SCARB1: variants seen among roughly 807,000 people sequenced by gnomAD.
The protein encoded by SCARB1 is CD36 and LIMPII analogous 1.
In SCARB1, 30 loss-of-function variants were observed where a neutral mutation model predicts 57.2. The observed-to-expected ratio is 0.52, with a 90% CI of 0.39 to 0.71. The LOEUF is 0.71. SCARB1 is among the 30% of genes least tolerant of loss of function. The pLI, the probability that SCARB1 is intolerant of heterozygous loss-of-function variation, is 0.00. For missense variants in SCARB1, 543 were observed against 671.2 expected (o/e 0.81, Z 2.11); for synonymous variants, 249 against 268.3 (o/e 0.93, Z 0.70).
intron 1 of SCARB1, among the ~76,000 whole-genome samples, chr12:124,853,367 A>G (rs1357145097): frequency 1.3e-5 from 2 of 151,426 alleles, no homozygotes; most frequent in Non-Finnish European, 2.9e-5. Context: ...AGCTTCTTGA[A>G]ATGATCCAGT....
intron 1 of SCARB1, among the ~76,000 whole-genome samples, chr12:124,834,184 G>T (rs1168732687): frequency 6.6e-6 from 1 of 152,238 alleles, no homozygotes; most frequent in Admixed American, 6.5e-5. Context: ...CCAGAGCCAG[G>T]GGTCTTGTCA....
chr12:124,835,620 C>A (rs1473066221), intron 1 of SCARB1, among the ~76,000 whole-genome samples: 2 of 151,406 alleles, frequency 1.3e-5, no homozygotes, highest in Non-Finnish European at 2.9e-5. Context: ...TTCTTATACA[C>A]CGCATCCTCC....
chr12:124,836,720 G>C (rs756546307), intron 1 of SCARB1, among the ~76,000 whole-genome samples: 14 of 152,212 alleles, frequency 9.2e-5, no homozygotes, highest in Non-Finnish European at 2.1e-4. Flanking sequence ...CTTGAGCCCA[G>C]GAGATAGAGG....
At chr12:124,829,302 T>G (rs1951290483) in intron 1 of SCARB1, among the ~76,000 whole-genome samples, 1 of 152,158 alleles carries the variant, frequency 6.6e-6, no homozygotes, top group Non-Finnish European at 1.5e-5. Context: ...TCCTGGCTTG[T>G]ATGGATGGGT....
intron 1 of SCARB1, among the ~76,000 whole-genome samples, chr12:124,856,350 GGT>G (rs555248782): frequency 6.6e-6 from 1 of 152,180 alleles, no homozygotes; most frequent in Non-Finnish European, 1.5e-5. Flanking sequence ...TGCCTACACA[GGT>G]GTGTGTGTCA....
intron 7 of SCARB1, among the ~76,000 whole-genome samples, chr12:124,801,373 G>A (rs1950123449): frequency 6.6e-6 from 1 of 152,128 alleles, no homozygotes; most frequent in Non-Finnish European, 1.5e-5. Flanking sequence ...TACAAGTGAT[G>A]GCTGCACAAC....
At position 124,779,737 on chromosome 12, in the gene SCARB1, TC is replaced by T. The variant is rs879430754; in HGVS notation, c.*1-1152del. On this transcript the variant is annotated intron_variant, in intron 12 of 12. Coordinates refer to ENST00000261693, the MANE Select transcript of SCARB1 (RefSeq NM_005505.5). ...TCCCTTGCCCTGAGCAACAGAGGCC[TC>T]CCTGCCCCGGTGGCTGGGGCTGGAA... 3.9e-3 allele frequency among the ~76,000 whole-genome samples: 598 copies of T among 152,166 alleles called. 3 individuals are homozygous for T. Among genetic ancestry groups the T allele is most frequent in the Admixed American group, 6.7e-3 (102 of 15,300 alleles).
chr12:124,801,122 C>T (rs1356974853), intron 7 of SCARB1, among the ~76,000 whole-genome samples: 3 of 152,188 alleles, frequency 2.0e-5, no homozygotes, highest in Non-Finnish European at 2.9e-5. Context: ...TCGCTTGAGC[C>T]TCAGAGGTTG....
At chr12:124,841,461 G>A (rs1410353289) in intron 1 of SCARB1, among the ~76,000 whole-genome samples, 5 of 145,878 alleles carry the variant, frequency 3.4e-5, no homozygotes, top group African/African-American at 5.1e-5. Flanking sequence ...CAGCCTGGGC[G>A]ACAGAGAAAG....
At position 124,837,547 on chromosome 12, in the gene SCARB1, A is replaced by G. The variant is rs1199760599; in HGVS notation, c.127-19840T>C. 5.1e-3 allele frequency among the ~76,000 whole-genome samples: 67 copies of G among 13,022 alleles called. 3 individuals are homozygous for G. Among genetic ancestry groups the G allele is most frequent in the African/African-American group, 0.012 (65 of 5,478 alleles). 8.5% of individuals were successfully genotyped at this position (13,022 alleles called of 152,430 possible). On this transcript the variant is annotated intron_variant, in intron 1 of 12. Transcript: ENST00000261693. ...AGGAAAGAAAAAGAAAGAAAAGAAA[A>G]GAAAAGAAAAGAAAAGAAAAGAAAA...
At chr12:124,786,018 C>T (rs1394790367) in intron 11 of SCARB1, 10 of 1,473,264 alleles carry the variant, frequency 6.8e-6, no homozygotes, top group Non-Finnish European at 9.0e-6. Context: ...TGCTGTACGT[C>T]CCCTCGCCCC....
Position 124,778,308 on chromosome 12 carries a change from A to C in SCARB1, c.*279T>G. 4.3e-6 allele frequency: 3 copies of C among 699,536 alleles called. No individual in the cohort carries two copies. The highest frequency in any genetic ancestry group is 4.0e-6 in the Non-Finnish European group (2 of 501,214). The allele number at this position is 699,536 out of a possible 1,614,324, so 43.3% of individuals were successfully genotyped here. The stretch of plus-strand genomic sequence containing the variant: ...GTGGTCAGGCCTGTGGGCCACGTGG[A>C]GAGAAGGTTCCAGAACAGTGCTTGT... On this transcript the variant is annotated 3_prime_UTR_variant, in exon 13 of 13. Transcript: ENST00000261693.
chr12:124,859,214 G>A (rs934937638), intron 1 of SCARB1, among the ~76,000 whole-genome samples: 1 of 152,046 alleles, frequency 6.6e-6, no homozygotes, highest in African/African-American at 2.4e-5. Context: ...CGTAGCATGT[G>A]GATACATTTT....
chr12:124,813,080 A>G lies in SCARB1; in HGVS notation c.631-1115T>C, dbSNP rs138956684. Among the ~76,000 whole-genome samples, 235 of 152,268 alleles carry G rather than the reference A, an allele frequency of 1.5e-3. 3 individuals carry two copies. The highest frequency in any genetic ancestry group is 5.4e-3 in the African/African-American group (226 of 41,564). ...AAGCCCAATCTCTCCTTACTCTTTC[A>G]TACAAAACCCAAACCATACTCAGAG... On this transcript the variant is annotated intron_variant, in intron 4 of 12. Coordinates refer to ENST00000261693, the MANE Select transcript of SCARB1 (RefSeq NM_005505.5).
chr12:124,807,671 A>C lies in SCARB1; in HGVS notation c.1009+90T>G. The C allele has an allele frequency of 8.0e-7, 1 of 1,255,380 alleles. No homozygotes were observed. Among genetic ancestry groups the C allele is most frequent in the Non-Finnish European group, 1.1e-6 (1 of 870,736 alleles). 77.8% of individuals were successfully genotyped at this position (1,255,380 alleles called of 1,614,324 possible). A position where few individuals can be genotyped will look rare whatever the true frequency, so the allele number is the denominator to read the frequency against. On this transcript the variant is annotated intron_variant, in intron 7 of 12. Transcript: ENST00000261693. This position sits in a 1 kb window ranked among gnomAD's most constrained non-coding sequence, Gnocchi z 5.3. ...GGATTATCAAGAGTACAGAGGCCAG[A>C]GATTAAGCAGACAGCACTGGGCAGA... is the stretch of plus-strand genomic sequence containing the variant.
rs1951076765 is a variant in SCARB1 at position 124,824,884 on chromosome 12, A to G, written c.127-7177T>C. Among the ~76,000 whole-genome samples the G allele has an allele frequency of 3.3e-5, 5 of 152,224 alleles. 1 individual carries two copies. The South Asian group carries it at 1.0e-3, about 31-fold the overall frequency. ...ATGATGCAACTTACGTTATGACTCCATTATTCGCCCCTCTGGTATTCTATC... is the reference window on the plus strand; with the variant it reads ...ATGATGCAACTTACGTTATGACTCCGTTATTCGCCCCTCTGGTATTCTATC... On this transcript the variant is annotated intron_variant, in intron 1 of 12. Transcript: ENST00000261693.
Position 124,817,484 on chromosome 12 carries a change from A to G in SCARB1, c.284+66T>C. On this transcript the variant is annotated intron_variant, in intron 2 of 12. Coordinates refer to ENST00000261693, the MANE Select transcript of SCARB1 (RefSeq NM_005505.5). The surrounding 1 kb of genome is among the most constrained non-coding windows in gnomAD (Gnocchi z 4.8). ...AGTCAGCAGCCTCCCCATCCCGTCC[A>G]CTCTGAGACCCCTCCCCTGCCCAGC... 1 of 1,538,004 alleles carries G rather than the reference A, an allele frequency of 6.5e-7. No individual in the cohort carries two copies. Among genetic ancestry groups the G allele is most frequent in the South Asian group, 1.1e-5 (1 of 88,846 alleles).
chr12:124,845,537 CAAAAA>C lies in SCARB1; in HGVS notation c.126+18053_126+18057del, dbSNP rs34178546. 1.0e-3 allele frequency among the ~76,000 whole-genome samples: 106 copies of C among 106,410 alleles called. 2 individuals are homozygous for C. Among genetic ancestry groups the C allele is most frequent in the African/African-American group, 3.5e-3 (97 of 27,548 alleles). 69.8% of individuals were successfully genotyped at this position (106,410 alleles called of 152,430 possible). On this transcript the variant is annotated intron_variant, in intron 1 of 12. Coordinates refer to ENST00000261693, the MANE Select transcript of SCARB1 (RefSeq NM_005505.5). ...TGAAACCCCGTCTATATTAAAAATA[CAAAAA>C]AAAAAAAAAAAAATTAGCCGGGCGT...
intron 11 of SCARB1, 112 bp from the exon 12 acceptor site, chr12:124,782,923 T>G: frequency 8.9e-7 from 1 of 1,127,338 alleles, no homozygotes; most frequent in Non-Finnish European, 1.3e-6. Context: ...GCACATAAGT[T>G]TAGAGTCCAA....
Sources: gnomAD v4.1 joint callset for allele counts (sites outside exome capture counted in the v4.1 genomes callset) on GRCh38, gnomAD v4.1.1 for gene constraint, Gnocchi (gnomAD v3.1) non-coding constraint, MANE v1.5 for transcripts, NCBI Gene and HGNC (gene_info 2026-07-23, HGNC 2026-07-21) for gene names.